PPP1R12B: variants seen among roughly 807,000 people sequenced by gnomAD.
The protein encoded by PPP1R12B is myosin phosphatase target subunit 2.
A neutral mutation model predicts 126.1 loss-of-function variants in PPP1R12B; 76 were observed. The observed-to-expected ratio is 0.60, with a 90% CI of 0.50 to 0.73. The LOEUF (loss-of-function observed/expected upper bound fraction) is 0.73, where lower values mean the gene tolerates loss of function less well. Among genes scored for constraint, PPP1R12B ranks in the 30% least tolerant of loss-of-function variants. The probability of loss-of-function intolerance (pLI) is 0.00; values close to 1 mark genes in which losing one functional copy is unlikely to be tolerated. For synonymous variants in PPP1R12B, 356 were observed against 434.7 expected (o/e 0.82, Z 2.25); for missense variants, 1,052 against 1,205.1 (o/e 0.87, Z 1.88).
At position 202,506,069 on chromosome 1, in the gene PPP1R12B, A is replaced by G. The variant is rs16850024; in HGVS notation, c.2490+9247A>G. ...AAGCAAGCTGTCCTGGATTTCTGCA[A>G]TTGATGACGATGCGCAGTCCCAGGG... On this transcript the variant is annotated intron_variant, in intron 18 of 23. Coordinates refer to ENST00000608999, the MANE Select transcript of PPP1R12B (RefSeq NM_002481.4). Among the ~76,000 whole-genome samples, 3 of 152,300 alleles carry G rather than the reference A, an allele frequency of 2.0e-5. No individual in the cohort carries two copies. In the South Asian group the frequency reaches 6.2e-4, roughly 32 times the overall value.
chr1:202,391,286 A>G (rs922462629), intron 1 of PPP1R12B, among the ~76,000 whole-genome samples: 1 of 152,234 alleles, frequency 6.6e-6, no homozygotes, highest in African/African-American at 2.4e-5. Flanking sequence ...AAGATATTCA[A>G]CATCAATTGT....
chr1:202,431,442 A>G (rs754826562), intron 7 of PPP1R12B, 38 bp from the exon 8 acceptor site: 2 of 1,535,910 alleles, frequency 1.3e-6, no homozygotes, highest in Admixed American at 2.1e-5. Flanking sequence ...CCTGATTATC[A>G]TTTCTGAATT....
At chr1:202,464,979 C>T (rs531372891) in intron 13 of PPP1R12B, among the ~76,000 whole-genome samples, 26 of 152,176 alleles carry the variant, frequency 1.7e-4, no homozygotes, top group African/African-American at 4.6e-4. Flanking sequence ...GAAGGGGCTT[C>T]GTGGAGCCAG....
intron 1 of PPP1R12B, among the ~76,000 whole-genome samples, chr1:202,391,070 AAG>A (rs1664075543): frequency 6.6e-6 from 1 of 152,180 alleles, no homozygotes; most frequent in Non-Finnish European, 1.5e-5. Context: ...CCCCCAAAAA[AAG>A]AAAGTGATAA....
chr1:202,472,546 AC>A (rs1464829475), intron 13 of PPP1R12B, among the ~76,000 whole-genome samples: 1 of 152,206 alleles, frequency 6.6e-6, no homozygotes, highest in Non-Finnish European at 1.5e-5. Flanking sequence ...CTGTAGAGTG[AC>A]CTATGTAAGT....
At chr1:202,540,271 C>T (rs1684982398) in intron 18 of PPP1R12B, 1 of 1,507,800 alleles carries the variant, frequency 6.6e-7, no homozygotes, top group Admixed American at 1.7e-5. Context: ...TACGTATGTT[C>T]ATAGCTGTGT....
intron 1 of PPP1R12B, among the ~76,000 whole-genome samples, chr1:202,355,837 A>G (rs916839354): frequency 3.3e-5 from 5 of 152,194 alleles, no homozygotes; most frequent in Non-Finnish European, 5.9e-5. Context: ...TATTCAGTCA[A>G]CGATTAGACT....
At chr1:202,521,761 GA>G (rs541845053) in intron 18 of PPP1R12B, among the ~76,000 whole-genome samples, 1 of 151,962 alleles carries the variant, frequency 6.6e-6, no homozygotes, top group Non-Finnish European at 1.5e-5. Context: ...TTGCAAAGGA[GA>G]AAAAAGAATG....
intron 1 of PPP1R12B, among the ~76,000 whole-genome samples, chr1:202,403,113 A>C (rs1276484015): frequency 2.0e-5 from 3 of 152,184 alleles, no homozygotes; most frequent in Non-Finnish European, 4.4e-5. Flanking sequence ...TGGGCAGGTA[A>C]TACAAATTAA....
At chr1:202,409,744 G>T (rs1667145201) in intron 1 of PPP1R12B, among the ~76,000 whole-genome samples, 1 of 152,124 alleles carries the variant, frequency 6.6e-6, no homozygotes, top group South Asian at 2.1e-4. Flanking sequence ...GCTCACTGCA[G>T]CCTTGATCAC....
At chr1:202,349,966 T>C (rs1016977608) in intron 1 of PPP1R12B, among the ~76,000 whole-genome samples, 4 of 152,216 alleles carry the variant, frequency 2.6e-5, no homozygotes, top group African/African-American at 7.2e-5. Context: ...CTGACTGCCA[T>C]GACTAACTAC....
intron 1 of PPP1R12B, among the ~76,000 whole-genome samples, chr1:202,376,962 A>AT (rs999434765): frequency 9.2e-5 from 14 of 152,192 alleles, no homozygotes; most frequent in East Asian, 1.9e-4. Context: ...ACATTATGAG[A>AT]TTTTTTTGGC....
At chr1:202,424,255 T>C (rs957920675) in intron 3 of PPP1R12B, among the ~76,000 whole-genome samples, 3 of 152,082 alleles carry the variant, frequency 2.0e-5, no homozygotes, top group Admixed American at 1.3e-4. Flanking sequence ...CTGATTTAAA[T>C]TGGTTACCTC....
intron 13 of PPP1R12B, chr1:202,462,823 T>C (rs984046878): frequency 3.0e-6 from 3 of 985,246 alleles, no homozygotes; most frequent in South Asian, 4.7e-5. Flanking sequence ...TTGTTGAAAA[T>C]TGGGCTTCTG....
At chr1:202,452,280 G>A (rs1673082635) in intron 13 of PPP1R12B, among the ~76,000 whole-genome samples, 1 of 152,228 alleles carries the variant, frequency 6.6e-6, no homozygotes, top group Admixed American at 6.5e-5. Context: ...GAGTGAACGA[G>A]ACTCCATCTG....
chr1:202,411,043 A>G (rs763941898), intron 1 of PPP1R12B, among the ~76,000 whole-genome samples: 2 of 152,150 alleles, frequency 1.3e-5, no homozygotes, highest in Admixed American at 6.5e-5. Context: ...GTGTAGAGGT[A>G]TGGTGTTGAA....
At chr1:202,568,771 A>T (rs1226526229) in intron 22 of PPP1R12B, among the ~76,000 whole-genome samples, 1 of 152,210 alleles carries the variant, frequency 6.6e-6, no homozygotes, top group Non-Finnish European at 1.5e-5. Flanking sequence ...GGAGAGCATT[A>T]CTGAAGATAA....
At chr1:202,428,054 C>CG (rs1669780410) in intron 5 of PPP1R12B, among the ~76,000 whole-genome samples, 1 of 150,906 alleles carries the variant, frequency 6.6e-6, no homozygotes, top group Non-Finnish European at 1.5e-5. Context: ...AAGTGATTCC[C>CG]AGCCTTGCCA....
At position 202,467,594 on chromosome 1, in the gene PPP1R12B, G is replaced by A. The variant is rs1404545694; in HGVS notation, c.1850+18423G>A. 2.0e-5 allele frequency among the ~76,000 whole-genome samples: 3 copies of A among 152,142 alleles called. No individual in the cohort carries two copies. In the South Asian group the frequency reaches 6.2e-4, roughly 32 times the overall value. On this transcript the variant is annotated intron_variant, in intron 13 of 23. Coordinates refer to ENST00000608999, the MANE Select transcript of PPP1R12B (RefSeq NM_002481.4). ...CTGCATAGTATTCCATGGTGTATAT[G>A]CGCCACATTTTCTTAATCCAGTCTA...
Sources: allele counts gnomAD v4.1 joint callset (sites outside exome capture counted in the v4.1 genomes callset), GRCh38; gene constraint gnomAD v4.1.1; transcripts MANE v1.5; gene names NCBI Gene and HGNC (gene_info 2026-07-23, HGNC 2026-07-21).